The following RNF170 variants were observed in gnomAD, a reference collection of about 807,000 sequenced individuals.
RNF170 encodes the protein ring finger protein 170.
In RNF170, 12 loss-of-function variants were observed where a neutral mutation model predicts 32.7. The ratio of observed to expected loss-of-function variants is 0.37; its 90% CI spans 0.24 to 0.60. RNF170 has a LOEUF of 0.60. Among genes scored for constraint, RNF170 ranks in the 20% least tolerant of loss-of-function variants. RNF170 has a pLI of 0.72. For missense variants in RNF170, 212 were observed against 311.2 expected (o/e 0.68, Z 2.40); for synonymous variants, 91 against 103.6 (o/e 0.88, Z 0.74).
chr8:42,854,804 C>A lies in RNF170; in HGVS notation c.*1355G>T. ...TCATACATTCACTAATGAGCAACGC[C>A]AGCTGAAGTGAGTAAGATCTCCCAG... On this transcript the variant is annotated 3_prime_UTR_variant, in exon 7 of 7. Coordinates refer to ENST00000527424, the MANE Select transcript of RNF170 (RefSeq NM_030954.4). 1 of 1,287,318 alleles carries A rather than the reference C, an allele frequency of 7.8e-7. No individual in the cohort carries two copies. Among genetic ancestry groups the A allele is most frequent in the Non-Finnish European group, 1.0e-6 (1 of 988,690 alleles). The allele number at this position is 1,287,318 out of a possible 1,614,324, so 79.7% of individuals were successfully genotyped here.
chr8:42,867,270 G>A (rs1463976637), intron 4 of RNF170, among the ~76,000 whole-genome samples: 1 of 151,934 alleles, frequency 6.6e-6, no homozygotes, highest in Non-Finnish European at 1.5e-5. Context: ...TTGGGAGTTC[G>A]AGACCAGCCT....
upstream of RNF170, chr8:42,897,240 C>T (rs952435641): frequency 6.8e-6 from 8 of 1,173,094 alleles, no homozygotes; most frequent in Non-Finnish European, 7.5e-6. Context: ...CGCCACCTAC[C>T]GGGACCCTCC....
chr8:42,897,013 C>G, upstream of RNF170: 1 of 683,974 alleles, frequency 1.5e-6, no homozygotes, highest in Non-Finnish European at 2.1e-6. Flanking sequence ...AGTCGGCGGC[C>G]GGATCCGAGG....
intron 2 of RNF170, among the ~76,000 whole-genome samples, chr8:42,876,645 GT>G (rs201206325): frequency 7.4e-6 from 1 of 134,994 alleles, no homozygotes; most frequent in Non-Finnish European, 1.6e-5. Context: ...ATGGTTATTT[GT>G]TTTTTTGTGG....
Position 42,864,734 on chromosome 8 carries a change from C to T in RNF170, c.396+682G>A, listed in dbSNP as rs564246722. 6.5e-4 allele frequency among the ~76,000 whole-genome samples: 99 copies of T among 151,924 alleles called. 3 individuals carry two copies. In the South Asian group the frequency reaches 0.02, roughly 31 times the overall value. On this transcript the variant is annotated intron_variant, in intron 5 of 6. Transcript: ENST00000527424. ...CATTAAAAAAAAAAATCATTATATA[C>T]CATTTAAAGCTATCTGGGTCCTCAC...
At chr8:42,871,233 T>C (rs1430048998) in intron 3 of RNF170, among the ~76,000 whole-genome samples, 1 of 152,016 alleles carries the variant, frequency 6.6e-6, no homozygotes, top group Non-Finnish European at 1.5e-5. Flanking sequence ...ACATAACATA[T>C]ATTTTATGTT....
intron 6 of RNF170, among the ~76,000 whole-genome samples, chr8:42,859,996 T>C (rs1051662425): frequency 6.6e-6 from 1 of 151,752 alleles, no homozygotes; most frequent in Non-Finnish European, 1.5e-5. Context: ...ACCCCAAAAA[T>C]AGAAAGAAAA....
At chr8:42,892,354 T>C (rs780266366) in intron 1 of RNF170, among the ~76,000 whole-genome samples, 5 of 152,090 alleles carry the variant, frequency 3.3e-5, no homozygotes, top group Non-Finnish European at 7.4e-5. Flanking sequence ...TTTGTAGAGA[T>C]GGGTTTCACC....
intron 2 of RNF170, 47 bp from the exon 3 acceptor site, chr8:42,874,053 T>C (rs770355572): frequency 5.2e-6 from 6 of 1,147,664 alleles, no homozygotes; most frequent in Admixed American, 3.4e-5. Context: ...TATTATCATA[T>C]GAATCCATTT....
At position 42,865,429 on chromosome 8, in the gene RNF170, A is replaced by T; in HGVS notation, c.383T>A (p.Ile128Asn). The part of the protein sequence containing the change: ...GSWLGAISCP[I>N]CRQTVTLLLT... ...ACAAAACATTACCGTTTGTCTACAG[A>T]TTGGACAACTGATTGCCCCAAGCCA... is the stretch of plus-strand genomic sequence containing the variant. Residue 128 changes from isoleucine (I) to asparagine (N), a missense_variant, in exon 5 of 7, where the codon ATC becomes AAC. By Grantham distance (149) the Ile-to-Asn change is moderately radical. Transcript: ENST00000527424. 1 of 1,613,090 alleles carries T rather than the reference A, an allele frequency of 6.2e-7. No homozygotes were observed.
chr8:42,850,923 G>A (rs373850147), downstream of RNF170: 198 of 1,551,562 alleles, frequency 1.3e-4, no homozygotes, highest in Non-Finnish European at 1.6e-4. Flanking sequence ...AGGCAGGAGA[G>A]TTCTGTGTGT....
At chr8:42,865,706 G>A (rs1230507687) in intron 4 of RNF170, among the ~76,000 whole-genome samples, 1 of 152,132 alleles carries the variant, frequency 6.6e-6, no homozygotes, top group Non-Finnish European at 1.5e-5. Flanking sequence ...AGTTAAGGCC[G>A]GGCACAGTGG....
intron 2 of RNF170, among the ~76,000 whole-genome samples, chr8:42,880,314 G>A (rs533330454): frequency 1.3e-5 from 2 of 152,316 alleles, no homozygotes; most frequent in South Asian, 4.1e-4. Flanking sequence ...CATAAACGAA[G>A]TTGATAGAGC....
chr8:42,878,468 C>T (rs887275233), intron 2 of RNF170, among the ~76,000 whole-genome samples: 1 of 152,196 alleles, frequency 6.6e-6, no homozygotes, highest in African/African-American at 2.4e-5. Context: ...GAAGATCAAA[C>T]CAGCCACAAC....
chr8:42,861,670 G>C (rs747527399), intron 6 of RNF170, 75 bp downstream of exon 6: 5 of 1,184,244 alleles, frequency 4.2e-6, no homozygotes, highest in Non-Finnish European at 6.2e-6. Context: ...AAGAATACTT[G>C]TTGGTAAACC....
At chr8:42,876,657 G>GC (rs1050421390) in intron 2 of RNF170, among the ~76,000 whole-genome samples, 1 of 123,030 alleles carries the variant, frequency 8.1e-6, no homozygotes, top group African/African-American at 3.2e-5. Context: ...TTTTTTGTGG[G>GC]TTTTTTTTTT....
rs750829280 is a variant in RNF170, at chr8:42,873,946, C to A, written c.198G>T (p.Gln66His). The A allele has an allele frequency of 6.3e-7, 1 of 1,589,734 alleles. No individual in the cohort carries two copies. The highest frequency in any genetic ancestry group is 8.6e-7 in the Non-Finnish European group (1 of 1,157,986). ...NQELVRVLREQLQTEQDAPAA... is the reference protein window; with the variant it reads ...NQELVRVLREHLQTEQDAPAA... ...TATACAATACCTGTTCTGTTTGAAG[C>A]TGTTCTCGAAGTACCCTTACTAGCT... The change falls in exon 3 of 7, where the codon CAG becomes CAT. Residue 66 changes from glutamine (Q) to histidine (H), a missense_variant. This residue lies in a region of RNF170 where 115 missense variants were observed against 132.3 expected (regional missense o/e 0.87). Coordinates refer to ENST00000527424, the MANE Select transcript of RNF170 (RefSeq NM_030954.4).
intron 2 of RNF170, among the ~76,000 whole-genome samples, chr8:42,877,970 G>A (rs1805084680): frequency 6.6e-6 from 1 of 152,200 alleles, no homozygotes; most frequent in Admixed American, 6.5e-5. Flanking sequence ...TGTTGAGCAA[G>A]ACTATTGGCA....
chr8:42,851,687 A>G (rs1802947086), downstream of RNF170, among the ~76,000 whole-genome samples: 1 of 152,146 alleles, frequency 6.6e-6, no homozygotes, highest in African/African-American at 2.4e-5. Flanking sequence ...CTCAGGCTGG[A>G]CTGCAGTGGT....
Sources: allele counts gnomAD v4.1 joint callset (sites outside exome capture counted in the v4.1 genomes callset), GRCh38; gene constraint gnomAD v4.1.1; regional missense constraint gnomAD v4.1.1; transcripts MANE v1.5; gene names NCBI Gene and HGNC (gene_info 2026-07-23, HGNC 2026-07-21).